The following OSR1 variants were observed in gnomAD, a reference collection of about 807,000 sequenced individuals.
OSR1 encodes the protein odd-skipped related transcription factor 1.
In OSR1, 3 loss-of-function variants were observed where a neutral mutation model predicts 15.7. The observed-to-expected ratio is 0.19, with a 90% CI of 0.09 to 0.50. The LOEUF (loss-of-function observed/expected upper bound fraction) is 0.50, where lower values mean the gene tolerates loss of function less well. OSR1 is among the 20% of genes least tolerant of loss of function. OSR1 has a pLI of 0.97. For missense variants in OSR1, 271 were observed against 351.1 expected (o/e 0.77, Z 1.82); for synonymous variants, 166 against 152.7 (o/e 1.09, Z -0.64).
downstream of OSR1, among the ~76,000 whole-genome samples, chr2:19,350,286 G>C (rs908751011): frequency 1.3e-4 from 20 of 152,250 alleles, no homozygotes; most frequent in Middle Eastern, 3.4e-3. Flanking sequence ...CTGGCCAGCA[G>C]GGGGCAGCGT....
At chr2:19,345,824 C>T in the OSR1 span, among the ~76,000 whole-genome samples, 7 of 152,144 alleles carry the variant, frequency 4.6e-5, no homozygotes, top group African/African-American at 1.4e-4. Context: ...TTCTGAGCTC[C>T]GACTGCAAAG....
rs1056276138 is a variant in OSR1, at chr2:19,353,538, G to A, written c.268C>T (p.Pro90Ser). Residue 90 changes from proline (P) to serine (S), a missense_variant, in exon 2 of 3, where the codon CCC (proline) becomes TCC (serine). Physicochemically the swap from Pro to Ser is moderately conservative, Grantham distance 74. This residue lies in a region of OSR1 where 210 missense variants were observed against 218.4 expected (regional missense o/e 0.96). Coordinates refer to ENST00000272223, the MANE Select transcript of OSR1 (RefSeq NM_145260.3). ...GGTTGAATGACATGAGGGAACCAGG[G>A]AAAGGCGGGCAGCTGGAAGCGCGCA... Reference protein sequence around the residue: ...VDARFQLPAFPWFPHVIQPKP... With the variant: ...VDARFQLPAFSWFPHVIQPKP... 2.5e-5 allele frequency: 40 copies of A among 1,614,124 alleles called. No homozygotes were observed. Among genetic ancestry groups the A allele is most frequent in the Non-Finnish European group, 3.2e-5 (38 of 1,180,044 alleles).
downstream of OSR1, among the ~76,000 whole-genome samples, chr2:19,349,032 C>G (rs1186354363): frequency 6.6e-6 from 1 of 152,242 alleles, no homozygotes; most frequent in Admixed American, 6.5e-5. Context: ...GCCACACAGT[C>G]ACTGGGACCA....
At chr2:19,350,214 G>C (rs1272967562), downstream of OSR1, among the ~76,000 whole-genome samples, 1 of 152,206 alleles carries the variant, frequency 6.6e-6, no homozygotes, top group African/African-American at 2.4e-5. Context: ...GATGCTTGGT[G>C]GTTTCGCGAG....
chr2:19,345,272 T>C, the OSR1 span, among the ~76,000 whole-genome samples: 1 of 152,108 alleles, frequency 6.6e-6, no homozygotes, highest in Non-Finnish European at 1.5e-5. Flanking sequence ...ACTCTGATGG[T>C]AGTTTCTTTT....
At chr2:19,354,387 T>TCACACACACACA (rs1275305005) in intron 1 of OSR1, 11 of 131,348 alleles carry the variant, frequency 8.4e-5, no homozygotes, top group African/African-American at 3.1e-4. Context: ...AACCCCTGAA[T>TCACACACACACA]CTCACACACA....
chr2:19,346,287 A>T, the OSR1 span, among the ~76,000 whole-genome samples: 14 of 152,336 alleles, frequency 9.2e-5, no homozygotes, highest in Middle Eastern at 3.4e-3. Context: ...TTGGGGGGTT[A>T]ATCCTTTCAT....
At chr2:19,347,341 A>G (rs146809423), downstream of OSR1, among the ~76,000 whole-genome samples, 1 of 152,348 alleles carries the variant, frequency 6.6e-6, no homozygotes, top group African/African-American at 2.4e-5. Context: ...AACTCTACAC[A>G]AAGTGAATGA....
chr2:19,355,895 T>A (rs1664939262), intron 1 of OSR1: 1 of 152,328 alleles, frequency 6.6e-6, no homozygotes, highest in African/African-American at 2.4e-5. Flanking sequence ...GAGACCCATT[T>A]GGGTTGGGGA....
downstream of OSR1, among the ~76,000 whole-genome samples, chr2:19,347,144 G>A (rs186799259): frequency 1.6e-4 from 25 of 152,282 alleles, no homozygotes; most frequent in Admixed American, 5.2e-4. Flanking sequence ...AAAGATGGGG[G>A]TGGTATCTCC....
At chr2:19,347,925 T>C (rs943512787), downstream of OSR1, among the ~76,000 whole-genome samples, 2 of 152,236 alleles carry the variant, frequency 1.3e-5, no homozygotes, top group Non-Finnish European at 2.9e-5. Flanking sequence ...GCCGGGCCAG[T>C]GTGCCCCTGA....
At chr2:19,351,333 G>A (rs565604185), downstream of OSR1, among the ~76,000 whole-genome samples, 29 of 152,146 alleles carry the variant, frequency 1.9e-4, no homozygotes, top group African/African-American at 6.7e-4. Context: ...CCGGGAGAGA[G>A]GACGTTGCTC....
chr2:19,345,345 T>C, the OSR1 span, among the ~76,000 whole-genome samples: 2 of 152,044 alleles, frequency 1.3e-5, no homozygotes, highest in Non-Finnish European at 2.9e-5. Context: ...TTGTTGCCAT[T>C]GCTTTTGGTG....
At chr2:19,346,787 AAC>A (rs1292289192), downstream of OSR1, 1 of 152,230 alleles carries the variant, frequency 6.6e-6, no homozygotes. Context: ...ATCATAAGAA[AAC>A]ACAAATCCAC....
At chr2:19,354,963 T>G (rs1664920504) in intron 1 of OSR1, 1 of 152,340 alleles carries the variant, frequency 6.6e-6, no homozygotes, top group South Asian at 2.1e-4. Flanking sequence ...AAAGCCACAC[T>G]GAAGTGACCA....
Position 19,353,786 on chromosome 2 carries a change from G to C in OSR1, c.20C>G (p.Pro7Arg), listed in dbSNP as rs1415409140. 3.1e-6 allele frequency: 5 copies of C among 1,611,436 alleles called. No homozygotes were observed. Among genetic ancestry groups the C allele is most frequent in the African/African-American group, 1.3e-5 (1 of 75,020 alleles). MGSKTL[P>R]APVPIHPSLQ... is the part of the protein sequence containing the mutation. ...GGAAGGGTGGATAGGCACCGGCGCC[G>C]GCAAGGTTTTGCTGCCCATTTCGGT... The change falls in exon 2 of 3, where the codon CCG becomes CGG. Residue 7 changes from proline to arginine, a missense_variant. Physicochemically the swap from Pro to Arg is moderately radical, Grantham distance 103 (BLOSUM62 -2). This residue lies in a region of OSR1 where 210 missense variants were observed against 218.4 expected (regional missense o/e 0.96). Transcript: ENST00000272223.
downstream of OSR1, among the ~76,000 whole-genome samples, chr2:19,349,256 G>T (rs1202618238): frequency 7.2e-5 from 11 of 152,342 alleles, no homozygotes; most frequent in East Asian, 1.9e-3. Flanking sequence ...GGGAATTGTA[G>T]CCTGGATAGG....
rs978002177 is a variant in OSR1 at position 19,358,325 on chromosome 2, C to G, written c.-33+16G>C. 61 of 152,404 alleles carry G rather than the reference C, an allele frequency of 4.0e-4. No individual in the cohort carries two copies. The highest frequency in any genetic ancestry group is 1.4e-3 in the African/African-American group (60 of 41,468). 9.4% of individuals were successfully genotyped at this position (152,404 alleles called of 1,614,324 possible). On this transcript the variant is annotated intron_variant, in intron 1 of 2. Transcript: ENST00000272223. ...CATTCGCTTTGCTGAGCCCAGGCGCCCAGGACTGCAATTACCTTGTTCCGC... is the reference window on the plus strand; with the variant it reads ...CATTCGCTTTGCTGAGCCCAGGCGCGCAGGACTGCAATTACCTTGTTCCGC...
downstream of OSR1, among the ~76,000 whole-genome samples, chr2:19,350,267 C>G (rs1664810233): frequency 6.6e-6 from 1 of 152,156 alleles, no homozygotes; most frequent in South Asian, 2.1e-4. Context: ...CTGGGCCGCC[C>G]CTCCAGGGCT....
Sources: allele counts gnomAD v4.1 joint callset (sites outside exome capture counted in the v4.1 genomes callset), GRCh38; gene constraint gnomAD v4.1.1; regional missense constraint gnomAD v4.1.1; transcripts MANE v1.5; gene names NCBI Gene and HGNC (gene_info 2026-07-23, HGNC 2026-07-21).